MICAL3: variants seen among roughly 807,000 people sequenced by gnomAD.
MICAL3 encodes [F-actin]-monooxygenase MICAL3.
Under a neutral mutation model 207.4 loss-of-function variants are expected in MICAL3, and 62 were observed. The observed-to-expected ratio is 0.30, with a 90% CI of 0.24 to 0.37. MICAL3 has a LOEUF of 0.37. MICAL3 is among the 10% of genes least tolerant of loss of function. The pLI is 1.00. For synonymous variants in MICAL3, 1,077 were observed against 1,069.3 expected (o/e 1.01, Z -0.14); for missense variants, 2,368 against 2,635.6 (o/e 0.90, Z 2.22).
At chr22:17,915,559 A>T (rs1932443635) in intron 1 of MICAL3, among the ~76,000 whole-genome samples, 2 of 152,200 alleles carry the variant, frequency 1.3e-5, no homozygotes, top group Admixed American at 1.3e-4. Context: ...ACGCTGGCCC[A>T]AAACACAGCT....
At chr22:17,986,694 C>T (rs190743024) in intron 1 of MICAL3, among the ~76,000 whole-genome samples, 3 of 152,278 alleles carry the variant, frequency 2.0e-5, no homozygotes, top group Non-Finnish European at 2.9e-5. Flanking sequence ...TCATCACGCA[C>T]AGAATGCCCA....
intron 1 of MICAL3, among the ~76,000 whole-genome samples, chr22:17,910,395 C>T (rs1164943217): frequency 2.6e-5 from 4 of 152,324 alleles, no homozygotes; most frequent in Non-Finnish European, 2.9e-5. Context: ...TACAGAGGAA[C>T]GGCTTCACTA....
chr22:17,818,970 G>A lies in MICAL3; in HGVS notation c.3691C>T (p.Pro1231Ser), dbSNP rs765233511. Residue 1231 changes from proline (P) to serine (S), a missense_variant, in exon 26 of 32, where the codon CCA (proline) becomes TCA (serine). By Grantham distance (74) the Pro-to-Ser change is moderately conservative. Around this residue, in one of 4 missense-constraint regions of MICAL3, gnomAD observed 1,770 missense variants for 1,863.2 expected, o/e 0.95. Coordinates refer to ENST00000441493, the MANE Select transcript of MICAL3 (RefSeq NM_015241.3). ...GGTGAGACAGGAGTCCTAGCTTCTG[G>A]CAGGGTCACTGGCTGTGATCGGATG... ...SPIRSQPVTLPEARTPVSPGS... is the reference protein window; with the variant it reads ...SPIRSQPVTLSEARTPVSPGS... 26 of 1,607,246 alleles carry A rather than the reference G, an allele frequency of 1.6e-5. No homozygotes were observed. Among genetic ancestry groups the A allele is most frequent in the Non-Finnish European group, 2.0e-5 (24 of 1,177,008 alleles).
chr22:17,881,239 G>T (rs1191118123), intron 16 of MICAL3: 2 of 1,612,734 alleles, frequency 1.2e-6, no homozygotes, highest in Non-Finnish European at 1.7e-6. Flanking sequence ...GGGAGGTGGA[G>T]TAGGGGGAGG....
intron 16 of MICAL3, among the ~76,000 whole-genome samples, chr22:17,885,552 CAGTA>C (rs1375339880): frequency 6.6e-6 from 1 of 152,150 alleles, no homozygotes; most frequent in Non-Finnish European, 1.5e-5. Context: ...GCATTTTCCT[CAGTA>C]AGTGTGTACT....
intron 19 of MICAL3, among the ~76,000 whole-genome samples, chr22:17,850,589 TTTAGTAG>T (rs1925221061): frequency 6.6e-6 from 1 of 151,806 alleles, no homozygotes; most frequent in Non-Finnish European, 1.5e-5. Context: ...TTTTTGTATT[TTTAGTAG>T]AGATGAGGTT....
intron 19 of MICAL3, 114 bp from the exon 20 acceptor site, chr22:17,842,131 G>T: frequency 9.8e-7 from 1 of 1,024,802 alleles, no homozygotes; most frequent in Non-Finnish European, 1.4e-6. Context: ...GCAGGACAAA[G>T]GTCAGAGCAT....
chr22:17,940,657 T>C (rs1002855904), intron 1 of MICAL3, among the ~76,000 whole-genome samples: 1 of 151,892 alleles, frequency 6.6e-6, no homozygotes, highest in African/African-American at 2.4e-5. Flanking sequence ...AATCCAAGAA[T>C]ATATCATAAA....
At chr22:17,794,044 T>C (rs1322644522) in intron 29 of MICAL3, among the ~76,000 whole-genome samples, 3 of 152,154 alleles carry the variant, frequency 2.0e-5, no homozygotes, top group Non-Finnish European at 4.4e-5. Context: ...AGCACGGAAC[T>C]GAACGAGAGC....
chr22:17,791,342 GC>G (rs1569064841), intron 29 of MICAL3, 41 bp from the exon 30 acceptor site: 1 of 1,505,164 alleles, frequency 6.6e-7, no homozygotes, highest in Non-Finnish European at 9.2e-7. Context: ...GGAGTGCCGC[GC>G]CCACCCTGGC....
chr22:17,948,044 C>T (rs1934157817), intron 1 of MICAL3, among the ~76,000 whole-genome samples: 1 of 152,098 alleles, frequency 6.6e-6, no homozygotes, highest in Non-Finnish European at 1.5e-5. Flanking sequence ...GTTCTCAAGC[C>T]TCTGCTCCTG....
intron 1 of MICAL3, among the ~76,000 whole-genome samples, chr22:17,925,177 A>G (rs1400053951): frequency 6.6e-6 from 1 of 152,138 alleles, no homozygotes; most frequent in Admixed American, 6.5e-5. Flanking sequence ...AGGGGAAGGG[A>G]GCCAGGTGAG....
intron 1 of MICAL3, among the ~76,000 whole-genome samples, chr22:17,913,003 A>T (rs1244676071): frequency 6.6e-6 from 1 of 152,140 alleles, no homozygotes; most frequent in Non-Finnish European, 1.5e-5. Context: ...ATTTTCTTCT[A>T]TTCCTAGTCT....
At chr22:17,875,682 T>TAAAA (rs60415785) in intron 16 of MICAL3, 2,035 of 170,664 alleles carry the variant, frequency 0.012, 45 homozygotes, top group East Asian at 0.039. Context: ...CCATGTATAG[T>TAAAA]AAAAAAAAAA....
At chr22:17,871,740 G>A in intron 17 of MICAL3, 97 bp downstream of exon 17, 1 of 1,110,458 alleles carries the variant, frequency 9.0e-7, no homozygotes, top group African/African-American at 1.6e-5. Context: ...AGACGCACAT[G>A]GAATAAGGCA....
At chr22:17,799,532 T>C (rs1185362743) in intron 29 of MICAL3, among the ~76,000 whole-genome samples, 1 of 152,236 alleles carries the variant, frequency 6.6e-6, no homozygotes, top group Non-Finnish European at 1.5e-5. Context: ...AATGTGTTGC[T>C]GACTAAGAAG....
chr22:17,927,724 C>T (rs746521400), intron 1 of MICAL3, among the ~76,000 whole-genome samples: 6 of 152,144 alleles, frequency 3.9e-5, no homozygotes, highest in Non-Finnish European at 7.3e-5. Context: ...CTCTGAGCTG[C>T]TTCAGTCTTC....
chr22:17,831,918 C>T lies in MICAL3; in HGVS notation c.2991G>A (p.Glu997=). The T allele has an allele frequency of 6.4e-7, 1 of 1,561,638 alleles. No homozygotes were observed. Residue 997 remains glutamate (E), a synonymous_variant, in exon 21 of 32, where the codon GAG becomes GAA. Coordinates refer to ENST00000441493, the MANE Select transcript of MICAL3 (RefSeq NM_015241.3). ...FGPGNEEEEE[E]EEEYEEEEEE... ...CCTCCTCCTCTTCATATTCTTCCTC[C>T]TCCTCCTCCTCCTCTTCATTCCCAG...
At chr22:17,913,393 A>C (rs1932260121) in intron 1 of MICAL3, among the ~76,000 whole-genome samples, 1 of 152,166 alleles carries the variant, frequency 6.6e-6, no homozygotes, top group Non-Finnish European at 1.5e-5. Flanking sequence ...TGGGGAAAGC[A>C]CTAGCCTGGC....
Sources: gnomAD v4.1 joint callset for allele counts (sites outside exome capture counted in the v4.1 genomes callset) on GRCh38, gnomAD v4.1.1 for gene constraint, gnomAD v4.1.1 regional missense constraint, MANE v1.5 for transcripts, NCBI Gene and HGNC (gene_info 2026-07-23, HGNC 2026-07-21) for gene names.